The following CORO1B variants were observed in gnomAD, a reference collection of about 807,000 sequenced individuals.
The protein encoded by CORO1B is coronin 1B, also known as coronin-1B.
A neutral mutation model predicts 51.1 loss-of-function variants in CORO1B; 30 were observed. The observed-to-expected ratio is 0.59, with a 90% confidence interval of 0.44 to 0.80. The LOEUF (loss-of-function observed/expected upper bound fraction) is 0.80, where lower values mean the gene tolerates loss of function less well. Ranked by LOEUF, CORO1B falls within the 30% of genes least tolerant of loss-of-function variation. The probability of loss-of-function intolerance (pLI) is 0.00; values close to 1 mark genes in which losing one functional copy is unlikely to be tolerated. For missense variants in CORO1B, 648 were observed against 700.4 expected, an observed-to-expected ratio of 0.93 and a Z score of 0.84; for synonymous variants, 310 against 289.7, an observed-to-expected ratio of 1.07 and a Z score of -0.71.
intron 1 of CORO1B, 126 bp from the exon 2 acceptor site, chr11:67,442,756 GT>G: frequency 1.1e-6 from 1 of 891,214 alleles, no homozygotes; most frequent in Non-Finnish European, 1.7e-6. Flanking sequence ...CTGGGTCTCG[GT>G]TTACCCAGTT....
Position 67,441,772 on chromosome 11 carries a change from C to T in CORO1B, c.415G>A (p.Ala139Thr), listed in dbSNP as rs149783063. ...ACGTTTCGGGCCGTGGGGTGCCAGG[C>T]GATGATGCCCACTCGCTTGGTGTGC... The part of the protein sequence containing the change: ...EGHTKRVGII[A>T]WHPTARNVLL... Residue 139 changes from alanine (A) to threonine (T), a missense_variant, in exon 4 of 11, where the codon GCC becomes ACC. Coordinates refer to ENST00000341356, the MANE Select transcript of CORO1B (RefSeq NM_020441.3). 132 of 1,612,604 alleles carry T rather than the reference C, an allele frequency of 8.2e-5. No individual in the cohort carries two copies. The highest frequency in any genetic ancestry group is 1.0e-4 in the Non-Finnish European group (121 of 1,179,866).
In CORO1B at chr11:67,441,822, G is replaced by A. The variant is rs1864401203; in HGVS notation, c.365C>T (p.Thr122Ile). 6.2e-7 allele frequency: 1 copy of A among 1,613,140 alleles called. No individual in the cohort carries two copies. Among genetic ancestry groups the A allele is most frequent in the Non-Finnish European group, 8.5e-7 (1 of 1,179,976 alleles). ...CCCCTCCAGTACCACCACCGGCTCT[G>A]TCAGCGGGGAGGTCAGCCCGTTCTC... ...IPENGLTSPL[T>I]EPVVVLEGHT... is the part of the protein sequence containing the mutation. The change falls in exon 4 of 11, where the codon ACA becomes ATA. Residue 122 changes from threonine to isoleucine, a missense_variant. By Grantham distance (89) the Thr-to-Ile change is moderately conservative (BLOSUM62 -1). Coordinates refer to ENST00000341356, the MANE Select transcript of CORO1B (RefSeq NM_020441.3).
At chr11:67,442,219 G>A in intron 2 of CORO1B, 131 bp from the exon 3 acceptor site, 2 of 1,469,654 alleles carry the variant, frequency 1.4e-6, no homozygotes, top group Non-Finnish European at 1.8e-6. Flanking sequence ...CCACTTGCCA[G>A]GTGAGCAGGA....
rs746785638 is a variant in CORO1B at position 67,441,482 on chromosome 11, C to G, written c.487G>C (p.Gly163Arg). 2.5e-6 allele frequency: 4 copies of G among 1,613,712 alleles called. No homozygotes were observed. In the East Asian group the frequency reaches 6.7e-5, roughly 27 times the overall value. Reference sequence around the variant, plus strand: ...AGGCGGTACAGCTCCTCCGCTGTGCCCACATTCCAGATGAGTACCACGTTG... The same window carrying G: ...AGGCGGTACAGCTCCTCCGCTGTGCGCACATTCCAGATGAGTACCACGTTG... ...CDNVVLIWNV[G>R]TAEELYRLDS... Residue 163 changes from glycine (G) to arginine (R), a missense_variant, in exon 5 of 11, where the codon GGC (glycine) becomes CGC (arginine). By Grantham distance (125) the Gly-to-Arg change is moderately radical (BLOSUM62 -2). Coordinates refer to ENST00000341356, the MANE Select transcript of CORO1B (RefSeq NM_020441.3).
Position 67,436,411 on chromosome 11 carries a change from C to T in CORO1B, c.*1965G>A. 1 of 1,419,370 alleles carries T rather than the reference C, an allele frequency of 7.0e-7. No homozygotes were observed. The highest frequency in any genetic ancestry group is 1.5e-5 in the South Asian group (1 of 65,872). The allele number at this position is 1,419,370 out of a possible 1,614,324, so 87.9% of individuals were successfully genotyped here. ...ACCTGGGGTGGGGCCTGGTGTGGGG[C>T]AGGCTGGGTGACCAAGACCACTTTC... On this transcript the variant is annotated 3_prime_UTR_variant, in exon 11 of 11. Transcript: ENST00000341356.
Position 67,436,304 on chromosome 11 carries a change from C to G in CORO1B, c.*2072G>C. The G allele has an allele frequency of 6.6e-7, 1 of 1,525,000 alleles. No individual in the cohort carries two copies. The allele number at this position is 1,525,000 out of a possible 1,614,324, so 94.5% of individuals were successfully genotyped here. On this transcript the variant is annotated 3_prime_UTR_variant, in exon 11 of 11. Transcript: ENST00000341356. ...CGCGCTGCCACCCGAGCCCAAGGCC[C>G]CTGGCAGGGCCAGCAGCATCCCGAG... is the stretch of plus-strand genomic sequence containing the variant.
rs1268963431 is a variant in CORO1B at position 67,441,770 on chromosome 11, G to T, written c.417C>A (p.Ala139=). The T allele has an allele frequency of 1.9e-6, 3 of 1,612,794 alleles. No homozygotes were observed. The highest frequency in any genetic ancestry group is 2.5e-6 in the Non-Finnish European group (3 of 1,179,866). ...EGHTKRVGII[A]WHPTARNVLL... is the part of the protein sequence containing the mutation. ...GCACGTTTCGGGCCGTGGGGTGCCA[G>T]GCGATGATGCCCACTCGCTTGGTGT... The change falls in exon 4 of 11, where the codon GCC becomes GCA. Residue 139 remains alanine, a synonymous_variant. Coordinates refer to ENST00000341356, the MANE Select transcript of CORO1B (RefSeq NM_020441.3).
intron 2 of CORO1B, 91 bp downstream of exon 2, chr11:67,442,336 GA>G: frequency 7.2e-7 from 1 of 1,396,582 alleles, no homozygotes; most frequent in Non-Finnish European, 1.0e-6. Flanking sequence ...AGCAGTGTGA[GA>G]AACGGCAAGA....
intron 8 of CORO1B, 48 bp from the exon 9 acceptor site, chr11:67,439,891 C>T (rs756498675): frequency 5.2e-6 from 8 of 1,526,834 alleles, no homozygotes; most frequent in African/African-American, 1.4e-5. Flanking sequence ...CCGCCCCCCC[C>T]ACCCACCGCC....
chr11:67,437,992 T>C lies in CORO1B; in HGVS notation c.*384A>G. The C allele has an allele frequency of 2.8e-6, 1 of 352,474 alleles. No individual in the cohort carries two copies. Among genetic ancestry groups the C allele is most frequent in the Non-Finnish European group, 5.1e-6 (1 of 195,712 alleles). The allele number at this position is 352,474 out of a possible 1,614,324, so 21.8% of individuals were successfully genotyped here. ...CACATGTGTGACTCCTGTGACATCC[T>C]CTGTCTCCAGGTTTCCAGACTTCTC... On this transcript the variant is annotated 3_prime_UTR_variant, in exon 11 of 11. Coordinates refer to ENST00000341356, the MANE Select transcript of CORO1B (RefSeq NM_020441.3).
chr11:67,439,034 C>A, intron 9 of CORO1B, 85 bp from the exon 10 acceptor site: 1 of 1,416,990 alleles, frequency 7.1e-7, no homozygotes, highest in South Asian at 1.4e-5. Flanking sequence ...CAGGCTTGCA[C>A]TCTGTTAACC....
At position 67,440,352 on chromosome 11, in the gene CORO1B, C is replaced by T. The variant is rs150362375; in HGVS notation, c.844G>A (p.Val282Ile). The T allele has an allele frequency of 2.5e-6, 4 of 1,613,852 alleles. No individual in the cohort carries two copies. The highest frequency in any genetic ancestry group is 1.1e-5 in the South Asian group (1 of 91,086). ...AGCCCCACCTTGCCGCAGACGTAGA[C>T]CACACTGGTGTCGGGGTCGTAGAAG... The part of the protein sequence containing the change: ...LPFYDPDTSV[V>I]YVCGKGDSSI... The change falls in exon 7 of 11, where the codon GTC becomes ATC. Residue 282 changes from valine to isoleucine, a missense_variant. Coordinates refer to ENST00000341356, the MANE Select transcript of CORO1B (RefSeq NM_020441.3).
intron 4 of CORO1B, 40 bp downstream of exon 4, chr11:67,441,693 C>T (rs1436423780): frequency 6.6e-7 from 1 of 1,521,384 alleles, no homozygotes; most frequent in African/African-American, 1.6e-5. Context: ...ATGGAGGGGT[C>T]CGTGGGGGGG....
In CORO1B at chr11:67,441,250, G is replaced by C. The variant is rs752918426; in HGVS notation, c.637-6C>G. 56 of 1,612,964 alleles carry C rather than the reference G, an allele frequency of 3.5e-5. No homozygotes were observed. The highest frequency in any genetic ancestry group is 4.7e-5 in the Non-Finnish European group (55 of 1,179,910). ...TCATGAGCCTTCTCCCGCTCCTGTC[G>C]GGGGGACAGGCTGGTCAGTGCAGCG... is the stretch of plus-strand genomic sequence containing the variant. On this transcript the variant is annotated splice_polypyrimidine_tract_variant and splice_region_variant and intron_variant, in intron 5 of 10. Coordinates refer to ENST00000341356, the MANE Select transcript of CORO1B (RefSeq NM_020441.3).
chr11:67,442,389 C>T (rs376683723), intron 2 of CORO1B, 39 bp downstream of exon 2: 39 of 1,599,264 alleles, frequency 2.4e-5, no homozygotes, highest in Non-Finnish European at 3.0e-5. Flanking sequence ...TAGGGGTGGC[C>T]GAGGTGCCTC....
In CORO1B at chr11:67,435,777, C is replaced by A. The variant is rs142388162; in HGVS notation, c.*2599G>T. The A allele has an allele frequency of 6.4e-7, 1 of 1,574,294 alleles. No homozygotes were observed. The highest frequency in any genetic ancestry group is 8.6e-7 in the Non-Finnish European group (1 of 1,160,650). ...AGGCCCTGGCCCCCAGCTGCCCTGG[C>A]GCTGTCATCCCAGGCTGCGCTGCCA... On this transcript the variant is annotated 3_prime_UTR_variant, in exon 11 of 11. Coordinates refer to ENST00000341356, the MANE Select transcript of CORO1B (RefSeq NM_020441.3).
At chr11:67,438,609 C>T (rs1864335177) in intron 10 of CORO1B, 62 bp downstream of exon 10, 4 of 1,523,878 alleles carry the variant, frequency 2.6e-6, no homozygotes, top group South Asian at 1.2e-5. Context: ...GGCTGAAGCC[C>T]ACACAGCAGG....
At chr11:67,439,148 C>G (rs1470723495) in intron 9 of CORO1B, among the ~76,000 whole-genome samples, 199 bp from the exon 10 acceptor site, 1 of 152,248 alleles carries the variant, frequency 6.6e-6, no homozygotes, top group Non-Finnish European at 1.5e-5. Context: ...AGCAAGGCCC[C>G]TGTCATCACC....
chr11:67,442,993 T>TC (rs1590988508), intron 1 of CORO1B, among the ~76,000 whole-genome samples: 1 of 152,184 alleles, frequency 6.6e-6, no homozygotes, highest in East Asian at 1.9e-4. Context: ...GCAGCCTCCT[T>TC]CCTGCTCCCA....
Sources: gnomAD v4.1 joint callset for allele counts (sites outside exome capture counted in the v4.1 genomes callset) on GRCh38, gnomAD v4.1.1 for gene constraint, MANE v1.5 for transcripts, NCBI Gene and HGNC (gene_info 2026-07-23, HGNC 2026-07-21) for gene names.